The following ELOVL6 variants were observed in gnomAD, a reference collection of about 807,000 sequenced individuals.
ELOVL6 encodes the protein ELOVL fatty acid elongase 6.
A neutral mutation model predicts 31.7 loss-of-function variants in ELOVL6; 8 were observed. The observed-to-expected ratio is 0.25, with a 90% CI of 0.15 to 0.45. The LOEUF is 0.45. Ranked by LOEUF, ELOVL6 falls within the 20% of genes least tolerant of loss-of-function variation. The pLI, the probability that ELOVL6 is intolerant of heterozygous loss-of-function variation, is 1.00. For missense variants in ELOVL6, 126 were observed against 326.4 expected, an observed-to-expected ratio of 0.39 and a Z score of 4.73; for synonymous variants, 101 against 117.7, an observed-to-expected ratio of 0.86 and a Z score of 0.92.
At chr4:110,125,806 G>A (rs1370465751) in intron 1 of ELOVL6, among the ~76,000 whole-genome samples, 5 of 149,260 alleles carry the variant, frequency 3.3e-5, no homozygotes, top group Non-Finnish European at 7.4e-5. Context: ...TAGCCTGGGC[G>A]ACAGAGCGAG....
intron 1 of ELOVL6, among the ~76,000 whole-genome samples, chr4:110,135,006 G>C (rs1166997474): frequency 6.6e-6 from 1 of 151,962 alleles, no homozygotes; most frequent in Non-Finnish European, 1.5e-5. Flanking sequence ...AACTATGAAG[G>C]GCCTTATATT....
chr4:110,069,890 C>T (rs1371779022), intron 2 of ELOVL6, among the ~76,000 whole-genome samples: 1 of 152,088 alleles, frequency 6.6e-6, no homozygotes, highest in Non-Finnish European at 1.5e-5. Context: ...ATTAGGGACA[C>T]CTTTGGAGAC....
At chr4:110,160,872 T>A (rs1758611592) in intron 1 of ELOVL6, among the ~76,000 whole-genome samples, 1 of 152,226 alleles carries the variant, frequency 6.6e-6, no homozygotes, top group South Asian at 2.1e-4. Flanking sequence ...ACACACTGAC[T>A]GACTCCTTTA....
intron 1 of ELOVL6, among the ~76,000 whole-genome samples, chr4:110,160,809 CAAATA>C (rs1758609935): frequency 6.6e-6 from 1 of 152,140 alleles, no homozygotes; most frequent in African/African-American, 2.4e-5. Context: ...GATCATGCAA[CAAATA>C]AAAGGGTTGG....
chr4:110,173,834 TGGAGGAGGTTG>T (rs999370024), intron 1 of ELOVL6, among the ~76,000 whole-genome samples: 9 of 151,778 alleles, frequency 5.9e-5, no homozygotes, highest in African/African-American at 2.2e-4. Context: ...GTCTACTTGA[TGGAGGAGGTTG>T]GGAGGAGGGA....
chr4:110,094,422 T>TAG (rs1756509746), intron 2 of ELOVL6, among the ~76,000 whole-genome samples: 1 of 61,178 alleles, frequency 1.6e-5, no homozygotes, highest in African/African-American at 6.1e-5. Flanking sequence ...TATATATATA[T>TAG]ATATATATAT....
At chr4:110,110,075 AC>A (rs1214068471) in intron 1 of ELOVL6, among the ~76,000 whole-genome samples, 2 of 152,070 alleles carry the variant, frequency 1.3e-5, no homozygotes, top group African/African-American at 2.4e-5. Flanking sequence ...CAACTGGTGC[AC>A]CCCCCTCCTC....
At chr4:110,135,841 G>C (rs1311493150) in intron 1 of ELOVL6, among the ~76,000 whole-genome samples, 2 of 152,214 alleles carry the variant, frequency 1.3e-5, no homozygotes, top group Admixed American at 6.5e-5. Flanking sequence ...AAAAATTCTA[G>C]AAGAGAGAAG....
At chr4:110,143,071 C>T (rs1184844342) in intron 1 of ELOVL6, among the ~76,000 whole-genome samples, 1 of 152,108 alleles carries the variant, frequency 6.6e-6, no homozygotes, top group Non-Finnish European at 1.5e-5. Flanking sequence ...GAACATAATA[C>T]ATGTTGACTT....
chr4:110,089,700 A>T (rs992570240), intron 2 of ELOVL6, among the ~76,000 whole-genome samples: 1 of 122,924 alleles, frequency 8.1e-6, no homozygotes, highest in African/African-American at 3.2e-5. Flanking sequence ...TTGCCCAATG[A>T]GAGCTTATGG....
At chr4:110,158,754 A>C (rs1249083620) in intron 1 of ELOVL6, among the ~76,000 whole-genome samples, 3 of 146,316 alleles carry the variant, frequency 2.1e-5, no homozygotes, top group Non-Finnish European at 4.5e-5. Context: ...TTCACCTCCC[A>C]AGTTCAAGGG....
At position 110,099,615 on chromosome 4, in the gene ELOVL6, T is replaced by G. The variant is rs181479577; in HGVS notation, c.221+5882A>C. Among the ~76,000 whole-genome samples the G allele has an allele frequency of 6.3e-4, 96 of 152,330 alleles. 2 individuals are homozygous for G. The East Asian group carries it at 0.01, about 17-fold the overall frequency. ...TTAACACCAAATTATCTTTTTATAA[T>G]GTACACTAACTAGACATCCTGCTTT... On this transcript the variant is annotated intron_variant, in intron 2 of 3. Transcript: ENST00000302274.
At chr4:110,105,249 T>G (rs890879667) in intron 2 of ELOVL6, among the ~76,000 whole-genome samples, 2 of 152,126 alleles carry the variant, frequency 1.3e-5, no homozygotes, top group Non-Finnish European at 2.9e-5. Context: ...AACAGATCAA[T>G]CAGATTACTG....
intron 1 of ELOVL6, among the ~76,000 whole-genome samples, chr4:110,144,494 A>C (rs1410556913): frequency 6.6e-6 from 1 of 152,096 alleles, no homozygotes; most frequent in Admixed American, 6.5e-5. Flanking sequence ...TATATAAATA[A>C]TTTTTCCCTA....
rs978624467 is a variant in ELOVL6, at chr4:110,045,972, T to C, written c.*5366A>G. On this transcript the variant is annotated 3_prime_UTR_variant, in exon 4 of 4. Coordinates refer to ENST00000302274, the MANE Select transcript of ELOVL6 (RefSeq NM_024090.3). ...TTCAACATTGCTGTGATTTGCTCTG[T>C]GAGGCTTATATGGGTGGGCTTCCAT... is the stretch of plus-strand genomic sequence containing the variant. 1 of 152,194 alleles carries C rather than the reference T, an allele frequency of 6.6e-6. No homozygotes were observed. The highest frequency in any genetic ancestry group is 2.4e-5 in the African/African-American group (1 of 41,446). The allele number at this position is 152,194 out of a possible 1,614,324, so 9.4% of individuals were successfully genotyped here.
chr4:110,188,462 C>T (rs958717711), intron 1 of ELOVL6, among the ~76,000 whole-genome samples: 3 of 152,160 alleles, frequency 2.0e-5, no homozygotes, highest in African/African-American at 7.2e-5. Context: ...CACCAGCCAT[C>T]CAAGCCTTAT....
chr4:110,155,597 C>A (rs1758393150), intron 1 of ELOVL6, among the ~76,000 whole-genome samples: 1 of 152,120 alleles, frequency 6.6e-6, no homozygotes, highest in South Asian at 2.1e-4. Flanking sequence ...CAATGCCATT[C>A]TTTCCAGACA....
intron 1 of ELOVL6, among the ~76,000 whole-genome samples, chr4:110,197,710 G>A (rs1365006227): frequency 6.6e-6 from 1 of 152,038 alleles, no homozygotes; most frequent in Non-Finnish European, 1.5e-5. Context: ...AGAGGAGGAC[G>A]GTGAAGTAGG....
In ELOVL6 at chr4:110,049,627, T is replaced by G. The variant is rs1383120732; in HGVS notation, c.*1711A>C. 6.6e-6 allele frequency: 1 copy of G among 152,102 alleles called. No homozygotes were observed. Among genetic ancestry groups the G allele is most frequent in the Admixed American group, 6.6e-5 (1 of 15,180 alleles). 9.4% of individuals were successfully genotyped at this position (152,102 alleles called of 1,614,324 possible). On this transcript the variant is annotated 3_prime_UTR_variant, in exon 4 of 4. Coordinates refer to ENST00000302274, the MANE Select transcript of ELOVL6 (RefSeq NM_024090.3). ...TGCTAGCCAGAAAATGTGTTTCTAT[T>G]CATTTGGGCTTTGAAGTTCAGTGTA...
Sources: allele counts gnomAD v4.1 joint callset (sites outside exome capture counted in the v4.1 genomes callset), GRCh38; gene constraint gnomAD v4.1.1; transcripts MANE v1.5; gene names NCBI Gene and HGNC (gene_info 2026-07-23, HGNC 2026-07-21).